The following NPAS2 variants were observed in gnomAD, a reference collection of about 807,000 sequenced individuals.
NPAS2 encodes neuronal PAS domain protein 2, also known as neuronal PAS domain-containing protein 2.
A neutral mutation model predicts 107.5 loss-of-function variants in NPAS2; 23 were observed. That is an observed-to-expected ratio of 0.21 (90% confidence interval 0.15 to 0.30). The LOEUF (loss-of-function observed/expected upper bound fraction) is 0.30. Ranked by LOEUF, NPAS2 falls within the 10% of genes least tolerant of loss-of-function variation. The pLI is 1.00. For synonymous variants in NPAS2, 403 were observed against 417.5 expected (o/e 0.97, Z 0.42); for missense variants, 756 against 1,043.3 (o/e 0.72, Z 3.79).
At chr2:100,944,914 G>A (rs752909818) in intron 5 of NPAS2, among the ~76,000 whole-genome samples, 9 of 152,180 alleles carry the variant, frequency 5.9e-5, no homozygotes, top group Non-Finnish European at 8.8e-5. Context: ...CACACCCACC[G>A]TCAGGGGAAG....
intron 1 of NPAS2, among the ~76,000 whole-genome samples, chr2:100,886,334 G>A (rs1372991652): frequency 6.6e-6 from 1 of 152,152 alleles, no homozygotes; most frequent in African/African-American, 2.4e-5. Flanking sequence ...CAACCTTTTG[G>A]ATCCCGAGGT....
At chr2:100,862,996 G>A (rs767403762) in intron 1 of NPAS2, among the ~76,000 whole-genome samples, 3 of 152,176 alleles carry the variant, frequency 2.0e-5, no homozygotes, top group Non-Finnish European at 4.4e-5. Flanking sequence ...CTTGCTATAA[G>A]GTCGTGAGGA....
intron 16 of NPAS2, chr2:100,986,230 G>A (rs1169116925): frequency 6.6e-6 from 1 of 152,186 alleles, no homozygotes; most frequent in African/African-American, 2.4e-5. Context: ...CCCGTGGGAT[G>A]GTAGAAAGAT....
At chr2:100,858,711 T>G (rs1678739646) in intron 1 of NPAS2, among the ~76,000 whole-genome samples, 1 of 152,192 alleles carries the variant, frequency 6.6e-6, no homozygotes, top group African/African-American at 2.4e-5. Context: ...TGAAATTAAT[T>G]ACTCCCTACT....
At chr2:100,834,993 G>A (rs887267304) in intron 1 of NPAS2, among the ~76,000 whole-genome samples, 1 of 152,192 alleles carries the variant, frequency 6.6e-6, no homozygotes. Context: ...GGGATTACAG[G>A]CGTGAGCCAC....
chr2:100,854,794 G>C (rs1678452973), intron 1 of NPAS2, among the ~76,000 whole-genome samples: 1 of 152,190 alleles, frequency 6.6e-6, no homozygotes, highest in South Asian at 2.1e-4. Flanking sequence ...CTCCAAACCT[G>C]CTGCTTCGTT....
chr2:100,990,635 C>T, intron 18 of NPAS2, 145 bp from the exon 19 acceptor site: 1 of 971,644 alleles, frequency 1.0e-6, no homozygotes. Flanking sequence ...CCGCTGCGTC[C>T]ATCATCCTCA....
intron 1 of NPAS2, among the ~76,000 whole-genome samples, chr2:100,893,252 G>A (rs754021778): frequency 2.6e-5 from 4 of 152,136 alleles, no homozygotes; most frequent in Non-Finnish European, 5.9e-5. Flanking sequence ...AATCCAAAAC[G>A]ACATGAGGTC....
At chr2:100,978,068 T>G (rs4851394) in intron 15 of NPAS2, among the ~76,000 whole-genome samples, 15,647 of 151,954 alleles carry the variant, frequency 0.1, 1,407 homozygotes, top group East Asian at 0.38. Context: ...TATGGATAAG[T>G]TCTTTAGGGG....
intron 1 of NPAS2, among the ~76,000 whole-genome samples, chr2:100,859,524 G>A (rs1238651608): frequency 6.6e-6 from 1 of 152,182 alleles, no homozygotes. Flanking sequence ...AGGGGACAGG[G>A]GTGGCCCTTC....
intron 1 of NPAS2, among the ~76,000 whole-genome samples, chr2:100,891,690 A>G (rs1046158633): frequency 6.6e-6 from 1 of 152,228 alleles, no homozygotes. Flanking sequence ...ATTCACATCA[A>G]ACCTCCTACG....
intron 3 of NPAS2, among the ~76,000 whole-genome samples, chr2:100,926,018 T>G (rs1201997038): frequency 6.6e-6 from 1 of 152,208 alleles, no homozygotes; most frequent in Non-Finnish European, 1.5e-5. Context: ...TCTAGGCATT[T>G]TATACAAGTA....
chr2:100,840,345 G>A (rs114997706), intron 1 of NPAS2, among the ~76,000 whole-genome samples: 3 of 152,226 alleles, frequency 2.0e-5, no homozygotes, highest in South Asian at 4.2e-4. Flanking sequence ...TGGGGACCAC[G>A]TGTTTTTTCT....
In NPAS2 at chr2:100,976,164, T is replaced by C. The variant is rs542522323; in HGVS notation, c.1392+597T>C. 2.4e-4 allele frequency among the ~76,000 whole-genome samples: 37 copies of C among 151,794 alleles called. No homozygotes were observed. The South Asian group carries it at 5.0e-3, about 21-fold the overall frequency. ...GAATTCAGAAAGGGCATCATGGGGA[T>C]GGCACTTCTCTGCTCCTTGGTGTCG... On this transcript the variant is annotated intron_variant, in intron 14 of 20. Coordinates refer to ENST00000335681, the MANE Select transcript of NPAS2 (RefSeq NM_002518.4). This position sits in a 1 kb window ranked among gnomAD's most constrained non-coding sequence, Gnocchi z 4.1.
At chr2:100,860,251 G>C (rs1370919691) in intron 1 of NPAS2, among the ~76,000 whole-genome samples, 2 of 152,108 alleles carry the variant, frequency 1.3e-5, no homozygotes, top group Non-Finnish European at 2.9e-5. Flanking sequence ...CCCTCAGTTG[G>C]GGTTTGTCTT....
upstream of NPAS2, among the ~76,000 whole-genome samples, chr2:100,818,819 G>A (rs1463149784): frequency 1.3e-5 from 2 of 152,240 alleles, no homozygotes; most frequent in African/African-American, 2.4e-5. Flanking sequence ...GGGGAGCGGA[G>A]ACCTCGTGGG....
Position 100,952,999 on chromosome 2 carries a change from T to C in NPAS2, c.598+3519T>C, listed in dbSNP as rs963322605. On this transcript the variant is annotated intron_variant, in intron 7 of 20. Coordinates refer to ENST00000335681, the MANE Select transcript of NPAS2 (RefSeq NM_002518.4). The stretch of plus-strand genomic sequence containing the variant: ...GCTTTCTTGAGACAAGAGTTCCCCA[T>C]GTAACTGTGGAGTACGTGAAATATC... Among the ~76,000 whole-genome samples the C allele has an allele frequency of 2.6e-5, 4 of 152,186 alleles. No homozygotes were observed. In the South Asian group the frequency reaches 8.3e-4, roughly 32 times the overall value.
chr2:100,850,953 CAAA>C (rs148858541), intron 1 of NPAS2, among the ~76,000 whole-genome samples: 40 of 41,856 alleles, frequency 9.6e-4, no homozygotes, highest in South Asian at 6.1e-3. Context: ...AACTCTGTCT[CAAA>C]AAAAAAAAAA....
Position 100,982,362 on chromosome 2 carries a change from G to A in NPAS2, c.1614G>A (p.Gln538=). 6.2e-7 allele frequency: 1 copy of A among 1,614,064 alleles called. No homozygotes were observed. The highest frequency in any genetic ancestry group is 8.5e-7 in the Non-Finnish European group (1 of 1,180,034). ...HKIQEQLCLV[Q]DSNVQMFLQQ... ...TCCAGGAGCAGCTCTGCCTGGTCCA[G>A]GACTCCAACGTCCAGGTGATCCCCT... Residue 538 remains glutamine, a synonymous_variant, in exon 16 of 21, where the codon CAG becomes CAA. Transcript: ENST00000335681.
Sources: allele counts gnomAD v4.1 joint callset (sites outside exome capture counted in the v4.1 genomes callset), GRCh38; gene constraint gnomAD v4.1.1; non-coding constraint Gnocchi (gnomAD v3.1); transcripts MANE v1.5; gene names NCBI Gene and HGNC (gene_info 2026-07-23, HGNC 2026-07-21).